CNTNAP2: variants seen among roughly 807,000 people sequenced by gnomAD.
The protein encoded by CNTNAP2 is contactin associated protein 2.
Under a neutral mutation model 155.2 loss-of-function variants are expected in CNTNAP2, and 98 were observed. The ratio of observed to expected loss-of-function variants is 0.63; its 90% CI spans 0.54 to 0.75. The LOEUF (loss-of-function observed/expected upper bound fraction) is 0.75, where lower values mean the gene tolerates loss of function less well. CNTNAP2 is among the 30% of genes least tolerant of loss of function. The pLI is 0.00. For missense variants in CNTNAP2, 1,727 were observed against 1,688.1 expected, an observed-to-expected ratio of 1.02 and a Z score of -0.40; for synonymous variants, 651 against 631.2, an observed-to-expected ratio of 1.03 and a Z score of -0.47.
At chr7:147,506,668 G>A (rs1798911681) in intron 11 of CNTNAP2, among the ~76,000 whole-genome samples, 1 of 152,186 alleles carries the variant, frequency 6.6e-6, no homozygotes, top group South Asian at 2.1e-4. Context: ...AATGTAGTTA[G>A]TTGCCCGGAA....
chr7:148,349,548 C>A (rs1323787680), intron 21 of CNTNAP2, among the ~76,000 whole-genome samples: 1 of 151,844 alleles, frequency 6.6e-6, no homozygotes, highest in Non-Finnish European at 1.5e-5. Flanking sequence ...ACTACAGGCA[C>A]CCGTCACCAT....
At chr7:146,451,307 T>C (rs1294472172) in intron 1 of CNTNAP2, among the ~76,000 whole-genome samples, 1 of 152,002 alleles carries the variant, frequency 6.6e-6, no homozygotes, top group African/African-American at 2.4e-5. Flanking sequence ...TTATAATGTT[T>C]AGAGAATCTA....
chr7:147,892,054 GCAGA>G (rs1172570355), intron 13 of CNTNAP2, among the ~76,000 whole-genome samples: 3 of 152,108 alleles, frequency 2.0e-5, no homozygotes, highest in East Asian at 1.9e-4. Flanking sequence ...TTTAATAAGA[GCAGA>G]CAAAGGATTG....
intron 21 of CNTNAP2, among the ~76,000 whole-genome samples, chr7:148,295,626 G>A (rs1251951751): frequency 7.4e-6 from 1 of 135,548 alleles, no homozygotes; most frequent in Non-Finnish European, 1.6e-5. Flanking sequence ...CGAGTAGCTG[G>A]GACTACCGGT....
chr7:148,308,405 G>T (rs1005009226), intron 21 of CNTNAP2, among the ~76,000 whole-genome samples: 10 of 151,952 alleles, frequency 6.6e-5, no homozygotes, highest in African/African-American at 2.4e-4. Context: ...CCAATGATTT[G>T]TCCGTATCCA....
chr7:147,216,102 G>A (rs1000305117), intron 8 of CNTNAP2, among the ~76,000 whole-genome samples: 3 of 148,148 alleles, frequency 2.0e-5, no homozygotes, highest in African/African-American at 7.4e-5. Context: ...TCTGGTATGT[G>A]TTTTGCAAGT....
intron 13 of CNTNAP2, among the ~76,000 whole-genome samples, chr7:147,766,300 T>C (rs1259958070): frequency 6.6e-6 from 1 of 152,212 alleles, no homozygotes; most frequent in Non-Finnish European, 1.5e-5. Flanking sequence ...TTTATAATTA[T>C]AGACTTTTAA....
chr7:146,363,516 G>A (rs1860684), intron 1 of CNTNAP2, among the ~76,000 whole-genome samples: 70,121 of 151,816 alleles, frequency 0.46, 18,429 homozygotes, highest in African/African-American at 0.72. Context: ...TGATGAAACT[G>A]TCAAAAGAAA....
At chr7:148,359,259 T>G (rs1272076047) in intron 21 of CNTNAP2, among the ~76,000 whole-genome samples, 1 of 152,240 alleles carries the variant, frequency 6.6e-6, no homozygotes, top group Non-Finnish European at 1.5e-5. Flanking sequence ...ATAACAAAGT[T>G]GCCTAACAAG....
At chr7:147,044,936 G>A (rs1367453463) in intron 4 of CNTNAP2, among the ~76,000 whole-genome samples, 1 of 151,978 alleles carries the variant, frequency 6.6e-6, no homozygotes, top group African/African-American at 2.4e-5. Context: ...TTGCTTATTT[G>A]CTTCTGTGAA....
chr7:147,438,194 C>G (rs1797583251), intron 10 of CNTNAP2, among the ~76,000 whole-genome samples: 1 of 152,006 alleles, frequency 6.6e-6, no homozygotes. Flanking sequence ...TGTTACAGAT[C>G]TCAGAGGAAA....
In CNTNAP2 at chr7:146,940,184, CCTTT is replaced by C. The variant is rs201830935; in HGVS notation, c.402+100285_402+100288del. Among the ~76,000 whole-genome samples, 870 of 151,712 alleles carry C rather than the reference CCTTT, an allele frequency of 5.7e-3. 9 individuals are homozygous for C. Among genetic ancestry groups the C allele is most frequent in the African/African-American group, 0.019 (787 of 41,404 alleles). ...CATTCTCATGCGTCATATTTTGGTC[CCTTT>C]CTTTTTTTATTTTTATTATTTATTT... On this transcript the variant is annotated intron_variant, in intron 3 of 23. Coordinates refer to ENST00000361727, the MANE Select transcript of CNTNAP2 (RefSeq NM_014141.6).
chr7:146,258,008 A>C (rs1799865338), intron 1 of CNTNAP2, among the ~76,000 whole-genome samples: 1 of 151,714 alleles, frequency 6.6e-6, no homozygotes, highest in African/African-American at 2.4e-5. Context: ...CTCCTGTCTC[A>C]GCTTCCCAAG....
chr7:147,979,002 C>T (rs1563155703), intron 15 of CNTNAP2, among the ~76,000 whole-genome samples: 1 of 152,162 alleles, frequency 6.6e-6, no homozygotes, highest in Non-Finnish European at 1.5e-5. Flanking sequence ...ATTATTACCA[C>T]TTTGTAAATC....
At chr7:147,097,227 A>T (rs576165602) in intron 4 of CNTNAP2, among the ~76,000 whole-genome samples, 1 of 152,288 alleles carries the variant, frequency 6.6e-6, no homozygotes, top group African/African-American at 2.4e-5. Flanking sequence ...GTCCTGACAA[A>T]TTTGTAGGGG....
chr7:147,418,976 G>A (rs893826822), intron 10 of CNTNAP2, among the ~76,000 whole-genome samples: 8 of 152,138 alleles, frequency 5.3e-5, no homozygotes, highest in Non-Finnish European at 7.3e-5. Context: ...AGTGGTGAAC[G>A]TACTCATTAT....
chr7:147,363,160 G>A (rs1039673547), intron 9 of CNTNAP2, among the ~76,000 whole-genome samples: 1 of 152,160 alleles, frequency 6.6e-6, no homozygotes, highest in Non-Finnish European at 1.5e-5. Flanking sequence ...GATATCATGA[G>A]AGTGTGGTCC....
At chr7:147,711,162 A>T (rs1296567067) in intron 13 of CNTNAP2, among the ~76,000 whole-genome samples, 1 of 152,234 alleles carries the variant, frequency 6.6e-6, no homozygotes, top group Non-Finnish European at 1.5e-5. Flanking sequence ...GTATTTAAAT[A>T]GTAACCTAAC....
chr7:148,244,539 T>G (rs895457661), intron 20 of CNTNAP2, among the ~76,000 whole-genome samples: 4 of 150,384 alleles, frequency 2.7e-5, no homozygotes, highest in Admixed American at 6.7e-5. Context: ...GTTGCCTTTT[T>G]GGGGGTTTTG....
Sources: gnomAD v4.1 joint callset for allele counts (sites outside exome capture counted in the v4.1 genomes callset) on GRCh38, gnomAD v4.1.1 for gene constraint, MANE v1.5 for transcripts, NCBI Gene and HGNC (gene_info 2026-07-23, HGNC 2026-07-21) for gene names.